MEMO1: variants seen among roughly 807,000 people sequenced by gnomAD.
The protein encoded by MEMO1 is protein MEMO1.
Under a neutral mutation model 45.2 loss-of-function variants are expected in MEMO1, and 6 were observed. The ratio of observed to expected loss-of-function variants is 0.13; its 90% CI spans 0.07 to 0.26. The LOEUF is 0.26. MEMO1 is among the 10% of genes least tolerant of loss of function. MEMO1 has a pLI of 1.00. For synonymous variants in MEMO1, 78 were observed against 124.3 expected, an observed-to-expected ratio of 0.63 and a Z score of 2.48; for missense variants, 184 against 370.5, an observed-to-expected ratio of 0.50 and a Z score of 4.13.
chr2:31,893,579 A>C (rs1240523306), intron 6 of MEMO1, among the ~76,000 whole-genome samples: 1 of 152,226 alleles, frequency 6.6e-6, no homozygotes. Context: ...GAGTATAAAG[A>C]ACAAGGAGAA....
intron 4 of MEMO1, among the ~76,000 whole-genome samples, chr2:31,925,754 C>G (rs1285748458): frequency 2.0e-5 from 3 of 152,164 alleles, no homozygotes; most frequent in Non-Finnish European, 2.9e-5. Context: ...AAGATCAAAG[C>G]AGTATCATCA....
intron 2 of MEMO1, among the ~76,000 whole-genome samples, chr2:31,990,593 A>G (rs1304028203): frequency 2.4e-5 from 3 of 125,236 alleles, no homozygotes; most frequent in Non-Finnish European, 4.9e-5. Context: ...TTTTTTTGGT[A>G]GAGACAAATT....
rs545530036 is a variant in MEMO1 at position 31,961,129 on chromosome 2, G to A, written c.62-17746C>T. On this transcript the variant is annotated intron_variant, in intron 2 of 9. Transcript: ENST00000404530. ...TCCCAGCACTTTGGGAGGCCAAGGC[G>A]GACAGATCACTCGAGGTCAGGAGTT... Among the ~76,000 whole-genome samples, 6 of 148,980 alleles carry A rather than the reference G, an allele frequency of 4.0e-5. 2 individuals carry two copies. The highest frequency in any genetic ancestry group is 1.2e-4 in the African/African-American group (5 of 40,522).
At chr2:31,985,266 T>C (rs1671126119) in intron 2 of MEMO1, among the ~76,000 whole-genome samples, 2 of 152,188 alleles carry the variant, frequency 1.3e-5, no homozygotes, top group Non-Finnish European at 2.9e-5. Context: ...CTAAAATAAA[T>C]AACAAAATGA....
At chr2:31,989,554 AG>A (rs1418730247) in intron 2 of MEMO1, among the ~76,000 whole-genome samples, 1 of 152,226 alleles carries the variant, frequency 6.6e-6, no homozygotes, top group Non-Finnish European at 1.5e-5. Flanking sequence ...ACCAAAGTGG[AG>A]GATAAACCAA....
At position 31,883,472 on chromosome 2, in the gene MEMO1, A is replaced by C; in HGVS notation, c.581-10T>G. On this transcript the variant is annotated splice_polypyrimidine_tract_variant and intron_variant, in intron 7 of 9. Coordinates refer to ENST00000404530, the MANE Select transcript of MEMO1 (RefSeq NM_001301833.4). ...TAACGGAACCTTTGACCTTGAAACAAATATCATGTACAAAATAAAATAGGG... is the reference window on the plus strand; with the variant it reads ...TAACGGAACCTTTGACCTTGAAACACATATCATGTACAAAATAAAATAGGG... 6.4e-7 allele frequency: 1 copy of C among 1,563,320 alleles called. No individual in the cohort carries two copies. The highest frequency in any genetic ancestry group is 8.7e-7 in the Non-Finnish European group (1 of 1,152,114).
intron 2 of MEMO1, among the ~76,000 whole-genome samples, chr2:31,992,501 G>A (rs928105239): frequency 3.9e-5 from 6 of 152,160 alleles, no homozygotes; most frequent in African/African-American, 1.2e-4. Context: ...GTGAATTAAT[G>A]GGCGGGGCAC....
rs750503799 is a variant in MEMO1 at position 31,927,346 on chromosome 2, T to C, written c.212+4721A>G. Reference sequence around the variant, plus strand: ...AAAAATAAGTACAAAAATTCATTGATAGTAACTTCAGATTTCGCATTATAA... The same window carrying C: ...AAAAATAAGTACAAAAATTCATTGACAGTAACTTCAGATTTCGCATTATAA... On this transcript the variant is annotated intron_variant, in intron 4 of 9. Transcript: ENST00000404530. Among the ~76,000 whole-genome samples the C allele has an allele frequency of 9.2e-5, 14 of 152,246 alleles. No individual in the cohort carries two copies. The South Asian group carries it at 1.2e-3, about 14-fold the overall frequency.
intron 2 of MEMO1, among the ~76,000 whole-genome samples, chr2:31,986,315 C>CAAAAA (rs1450023042): frequency 1.3e-5 from 2 of 151,946 alleles, no homozygotes; most frequent in African/African-American, 4.8e-5. Context: ...AGAATACAAA[C>CAAAAA]AAAAAAATTA....
At chr2:31,932,719 G>C (rs1572722060) in intron 3 of MEMO1, among the ~76,000 whole-genome samples, 2 of 152,226 alleles carry the variant, frequency 1.3e-5, no homozygotes, top group Non-Finnish European at 2.9e-5. Flanking sequence ...ACAGGCATAA[G>C]CCACCGCACT....
chr2:31,978,976 A>G (rs543654483), intron 2 of MEMO1, among the ~76,000 whole-genome samples: 9 of 152,264 alleles, frequency 5.9e-5, no homozygotes, highest in East Asian at 3.9e-4. Context: ...CCCAAAAAAA[A>G]GTCTTGATGT....
chr2:31,982,990 G>T (rs997249779), intron 2 of MEMO1, among the ~76,000 whole-genome samples: 1 of 151,980 alleles, frequency 6.6e-6, no homozygotes, highest in Non-Finnish European at 1.5e-5. Context: ...TGTAATCCCA[G>T]CACTTTGGGA....
intron 2 of MEMO1, among the ~76,000 whole-genome samples, chr2:32,002,113 C>G (rs1373100319): frequency 1.4e-5 from 2 of 139,362 alleles, no homozygotes; most frequent in African/African-American, 2.7e-5. Flanking sequence ...CCAGTGCCCT[C>G]CAGCCTGGGC....
chr2:31,940,131 C>A (rs1665432754), intron 3 of MEMO1, among the ~76,000 whole-genome samples: 3 of 152,138 alleles, frequency 2.0e-5, no homozygotes, highest in South Asian at 2.1e-4. Flanking sequence ...CCTTCATTAT[C>A]TCCTTTGCAA....
chr2:31,961,488 C>T (rs1161518666), intron 2 of MEMO1, among the ~76,000 whole-genome samples: 1 of 149,888 alleles, frequency 6.7e-6, no homozygotes, highest in Admixed American at 6.6e-5. Context: ...TTGGGCCAGC[C>T]ATGGTGGCTC....
intron 2 of MEMO1, among the ~76,000 whole-genome samples, chr2:31,969,039 T>C (rs1279936085): frequency 6.6e-6 from 1 of 151,960 alleles, no homozygotes; most frequent in Non-Finnish European, 1.5e-5. Context: ...ATATTATTAA[T>C]ACTAATAATG....
In MEMO1 at chr2:31,884,547, T is replaced by C. The variant is rs537059123; in HGVS notation, c.581-1085A>G. Among the ~76,000 whole-genome samples, 5 of 152,300 alleles carry C rather than the reference T, an allele frequency of 3.3e-5. No homozygotes were observed. In the South Asian group the frequency reaches 1.0e-3, roughly 32 times the overall value. On this transcript the variant is annotated intron_variant, in intron 7 of 9. Coordinates refer to ENST00000404530, the MANE Select transcript of MEMO1 (RefSeq NM_001301833.4). ...TTAAGATTTTTAAGTTTTCTGTTCA[T>C]CTTACTAAAAAAATTATGTAAATGA...
chr2:31,954,236 T>C (rs1410273071), intron 2 of MEMO1, among the ~76,000 whole-genome samples: 1 of 152,202 alleles, frequency 6.6e-6, no homozygotes, highest in East Asian at 1.9e-4. Flanking sequence ...GTTTACACGC[T>C]CCTGCCTTTA....
chr2:31,969,596 T>TGTGG (rs1572849468), intron 2 of MEMO1, among the ~76,000 whole-genome samples: 1 of 139,484 alleles, frequency 7.2e-6, no homozygotes, highest in East Asian at 2.0e-4. Context: ...GGTGTGTGTG[T>TGTGG]GTGTGTGTGT....
Sources: allele counts gnomAD v4.1 joint callset (sites outside exome capture counted in the v4.1 genomes callset), GRCh38; gene constraint gnomAD v4.1.1; transcripts MANE v1.5; gene names NCBI Gene and HGNC (gene_info 2026-07-23, HGNC 2026-07-21).